Variants in ZNF521 observed in about 807,000 individuals in gnomAD.
ZNF521 encodes LYST-interacting protein 3.
Under a neutral mutation model 105.5 loss-of-function variants are expected in ZNF521, and 14 were observed. The observed-to-expected ratio is 0.13, with a 90% CI of 0.09 to 0.21. The LOEUF (loss-of-function observed/expected upper bound fraction) is 0.21. ZNF521 is among the 10% of genes least tolerant of loss of function. The pLI is 1.00. For missense variants in ZNF521, 1,233 were observed against 1,629.7 expected (o/e 0.76, Z 4.19); for synonymous variants, 635 against 606.0 (o/e 1.05, Z -0.70).
intron 2 of ZNF521, among the ~76,000 whole-genome samples, chr18:25,324,851 C>T (rs1317200971): frequency 1.3e-5 from 2 of 152,196 alleles, no homozygotes; most frequent in East Asian, 3.8e-4. Context: ...TGGCTTCGCT[C>T]TCAAAAGCTG....
At chr18:25,065,196 A>C (rs1032703675) in intron 7 of ZNF521, among the ~76,000 whole-genome samples, 1 of 152,210 alleles carries the variant, frequency 6.6e-6, no homozygotes, top group Non-Finnish European at 1.5e-5. Context: ...AAGTCCAAAA[A>C]CAATGACCAA....
At chr18:25,157,731 G>A (rs2035173364) in intron 5 of ZNF521, among the ~76,000 whole-genome samples, 1 of 152,014 alleles carries the variant, frequency 6.6e-6, no homozygotes, top group East Asian at 1.9e-4. Context: ...TTACCTGTGT[G>A]GCCTTGGGGA....
chr18:25,283,636 G>T (rs974694931), intron 3 of ZNF521, among the ~76,000 whole-genome samples: 1 of 152,148 alleles, frequency 6.6e-6, no homozygotes, highest in African/African-American at 2.4e-5. Context: ...TTATTCAATA[G>T]CTGAACATAA....
At chr18:25,268,275 G>A (rs765212706) in intron 3 of ZNF521, among the ~76,000 whole-genome samples, 18 of 152,154 alleles carry the variant, frequency 1.2e-4, no homozygotes, top group African/African-American at 1.7e-4. Flanking sequence ...CAAGAAATAT[G>A]AGACTATGTG....
intron 2 of ZNF521, among the ~76,000 whole-genome samples, chr18:25,324,152 A>G (rs4800213): frequency 0.91 from 138,488 of 152,154 alleles, 63,376 homozygotes; most frequent in Non-Finnish European, 0.96. Context: ...GTACTCTGCC[A>G]AGCAGAGTTC....
chr18:25,224,212 A>G, intron 4 of ZNF521, 133 bp downstream of exon 4: 1 of 900,148 alleles, frequency 1.1e-6, no homozygotes, highest in Non-Finnish European at 1.7e-6. Flanking sequence ...ATGGGGGAAA[A>G]AGAAACCCAC....
At chr18:25,210,534 T>C (rs539536545) in intron 4 of ZNF521, among the ~76,000 whole-genome samples, 1 of 152,352 alleles carries the variant, frequency 6.6e-6, no homozygotes, top group African/African-American at 2.4e-5. Context: ...TCAATCTCTT[T>C]ATGACATGAA....
chr18:25,282,026 G>C (rs1910413455), intron 3 of ZNF521, among the ~76,000 whole-genome samples: 1 of 151,918 alleles, frequency 6.6e-6, no homozygotes, highest in African/African-American at 2.4e-5. Context: ...AATACTCTTT[G>C]CACCCTTCCT....
chr18:25,152,491 G>GA lies in ZNF521; in HGVS notation c.3658+42668dup, dbSNP rs537591152. 3.1e-4 allele frequency among the ~76,000 whole-genome samples: 43 copies of GA among 138,358 alleles called. 1 individual carries two copies. The highest frequency in any genetic ancestry group is 1.2e-3 in the Admixed American group (17 of 13,968). The allele number at this position is 138,358 out of a possible 152,430, so 90.8% of individuals were successfully genotyped here. ...GAGACTCGGTCTCAAAAAAAAAAAA[G>GA]AAAAAAAAAAGAAAGAAAAGAAAGC... On this transcript the variant is annotated intron_variant, in intron 5 of 7. Transcript: ENST00000361524.
intron 4 of ZNF521, among the ~76,000 whole-genome samples, chr18:25,195,853 AT>A (rs2035894228): frequency 6.6e-6 from 1 of 151,824 alleles, no homozygotes; most frequent in South Asian, 2.1e-4. Context: ...CTATTTTATC[AT>A]TTTACACAAC....
chr18:25,131,330 G>T (rs778366859), intron 5 of ZNF521, among the ~76,000 whole-genome samples: 10 of 152,076 alleles, frequency 6.6e-5, no homozygotes, highest in Non-Finnish European at 1.0e-4. Context: ...TGTCCACCCT[G>T]GATCATTTCA....
chr18:25,267,088 G>C (rs1024033474), intron 3 of ZNF521, among the ~76,000 whole-genome samples: 2 of 152,098 alleles, frequency 1.3e-5, no homozygotes, highest in African/African-American at 2.4e-5. Flanking sequence ...GAGCTTGGTG[G>C]GGGGAGGGGC....
intron 5 of ZNF521, among the ~76,000 whole-genome samples, chr18:25,114,644 A>C (rs2034267567): frequency 6.6e-6 from 1 of 152,200 alleles, no homozygotes; most frequent in Non-Finnish European, 1.5e-5. Context: ...AAAAGGATGA[A>C]AAAACTCTAA....
intron 5 of ZNF521, among the ~76,000 whole-genome samples, chr18:25,128,445 A>G (rs1041993170): frequency 6.6e-6 from 1 of 151,988 alleles, no homozygotes; most frequent in African/African-American, 2.4e-5. Flanking sequence ...TTTCAATATC[A>G]TACTGAAAGT....
intron 3 of ZNF521, among the ~76,000 whole-genome samples, chr18:25,240,358 C>T (rs1371108387): frequency 6.6e-6 from 1 of 152,036 alleles, no homozygotes. Flanking sequence ...TAGCTTCAAA[C>T]ATCTATAAGG....
intron 3 of ZNF521, among the ~76,000 whole-genome samples, chr18:25,313,097 G>A (rs1912411496): frequency 1.3e-5 from 2 of 152,046 alleles, no homozygotes; most frequent in African/African-American, 4.8e-5. Flanking sequence ...CAATCAGAAC[G>A]GACACCAATC....
At chr18:25,333,912 C>G (rs1913731755) in intron 2 of ZNF521, among the ~76,000 whole-genome samples, 1 of 152,202 alleles carries the variant, frequency 6.6e-6, no homozygotes, top group Admixed American at 6.5e-5. Context: ...GCACAACCAT[C>G]ACTCACTTCT....
chr18:25,299,380 A>G (rs1303070531), intron 3 of ZNF521, among the ~76,000 whole-genome samples: 2 of 152,252 alleles, frequency 1.3e-5, no homozygotes, highest in Non-Finnish European at 2.9e-5. Flanking sequence ...AATTCTCCAC[A>G]GACTAAGAAG....
chr18:25,154,255 C>T (rs965987207), intron 5 of ZNF521, among the ~76,000 whole-genome samples: 4 of 152,268 alleles, frequency 2.6e-5, no homozygotes, highest in Non-Finnish European at 5.9e-5. Flanking sequence ...AAATTAGAAA[C>T]ATGCTGTGGC....
Sources: gnomAD v4.1 joint callset for allele counts (sites outside exome capture counted in the v4.1 genomes callset) on GRCh38, gnomAD v4.1.1 for gene constraint, MANE v1.5 for transcripts, NCBI Gene and HGNC (gene_info 2026-07-23, HGNC 2026-07-21) for gene names.